The following TOX variants were observed in gnomAD, a reference collection of about 807,000 sequenced individuals.
The protein encoded by TOX is thymocyte selection associated high mobility group box.
Under a neutral mutation model 53.7 loss-of-function variants are expected in TOX, and 11 were observed. That is an observed-to-expected ratio of 0.20 (90% CI 0.13 to 0.34). The LOEUF (loss-of-function observed/expected upper bound fraction) is 0.34, where lower values mean the gene tolerates loss of function less well. Among genes scored for constraint, TOX ranks in the 10% least tolerant of loss-of-function variants. The pLI, the probability that TOX is intolerant of heterozygous loss-of-function variation, is 1.00. For missense variants in TOX, 570 were observed against 664.6 expected (o/e 0.86, Z 1.56); for synonymous variants, 225 against 245.3 (o/e 0.92, Z 0.77).
chr8:59,065,724 A>AG (rs944126870), intron 1 of TOX, among the ~76,000 whole-genome samples: 17 of 152,318 alleles, frequency 1.1e-4, no homozygotes, highest in African/African-American at 4.1e-4. Flanking sequence ...GAAGAAAAAA[A>AG]GAGAAAATAG....
intron 3 of TOX, among the ~76,000 whole-genome samples, chr8:58,928,749 T>G (rs957154744): frequency 7.2e-5 from 11 of 152,176 alleles, no homozygotes; most frequent in Admixed American, 7.2e-4. Flanking sequence ...ATGAATCCAC[T>G]GTCTTGAGAA....
At chr8:58,929,551 GA>G (rs1812225360) in intron 3 of TOX, among the ~76,000 whole-genome samples, 1 of 152,018 alleles carries the variant, frequency 6.6e-6, no homozygotes, top group Non-Finnish European at 1.5e-5. Flanking sequence ...ATATGCTCTA[GA>G]TAATAATAGT....
At chr8:58,929,774 CAT>C (rs201381826) in intron 3 of TOX, among the ~76,000 whole-genome samples, 2,412 of 152,164 alleles carry the variant, frequency 0.016, 71 homozygotes, top group African/African-American at 0.054. Context: ...AAAAAAATAA[CAT>C]GAGTCATATG....
At chr8:59,073,171 G>C (rs1053103312) in intron 1 of TOX, among the ~76,000 whole-genome samples, 1 of 152,072 alleles carries the variant, frequency 6.6e-6, no homozygotes, top group Non-Finnish European at 1.5e-5. Flanking sequence ...CTTAACAAAG[G>C]CTTCAACTAC....
At chr8:59,105,638 G>A (rs1164361901) in intron 1 of TOX, among the ~76,000 whole-genome samples, 2 of 152,026 alleles carry the variant, frequency 1.3e-5, no homozygotes, top group East Asian at 3.9e-4. Flanking sequence ...AAAGTTATAA[G>A]TCCCTATGGG....
chr8:58,914,887 T>A (rs1342103161), intron 3 of TOX, among the ~76,000 whole-genome samples: 1 of 152,078 alleles, frequency 6.6e-6, no homozygotes, highest in East Asian at 1.9e-4. Flanking sequence ...TTGCCTCACC[T>A]GGGAAGCGCA....
At chr8:58,861,857 C>T (rs1811016451) in intron 3 of TOX, among the ~76,000 whole-genome samples, 1 of 152,100 alleles carries the variant, frequency 6.6e-6, no homozygotes, top group South Asian at 2.1e-4. Flanking sequence ...ATATTGACTT[C>T]CTAACATCAG....
intron 3 of TOX, among the ~76,000 whole-genome samples, chr8:58,912,601 G>A (rs1012013182): frequency 3.3e-5 from 5 of 152,182 alleles, no homozygotes; most frequent in African/African-American, 9.7e-5. Context: ...AAAAGGTCTG[G>A]GATAGGACCT....
intron 1 of TOX, among the ~76,000 whole-genome samples, chr8:59,054,035 T>A (rs1194846005): frequency 6.6e-6 from 1 of 152,062 alleles, no homozygotes; most frequent in East Asian, 1.9e-4. Flanking sequence ...GAAAGAGTGG[T>A]TAGTTTAACC....
At chr8:58,968,114 A>G (rs28399105) in intron 1 of TOX, among the ~76,000 whole-genome samples, 2,056 of 152,362 alleles carry the variant, frequency 0.013, 59 homozygotes, top group African/African-American at 0.047. Context: ...GCAAGTTTCT[A>G]GAAAACTTCA....
rs557674296 is a variant in TOX at position 59,051,223 on chromosome 8, A to C, written c.102+67663T>G. ...ATGAGGCAGATTTGGTCCCTTAGAG[A>C]AGAAACAGATTTCCCACTATCTGAT... is the stretch of plus-strand genomic sequence containing the variant. On this transcript the variant is annotated intron_variant, in intron 1 of 8. Transcript: ENST00000361421. Among the ~76,000 whole-genome samples the C allele has an allele frequency of 2.0e-5, 3 of 152,268 alleles. No individual in the cohort carries two copies. The East Asian group carries it at 5.8e-4, about 29-fold the overall frequency.
intron 1 of TOX, among the ~76,000 whole-genome samples, chr8:59,067,065 C>A (rs1041199914): frequency 9.2e-5 from 14 of 152,078 alleles, no homozygotes. Context: ...AAGTTGCAAG[C>A]GCCTTTTCTG....
Position 58,892,007 on chromosome 8 carries a change from T to C in TOX, c.412-40202A>G, listed in dbSNP as rs1009509959. Among the ~76,000 whole-genome samples the C allele has an allele frequency of 2.6e-5, 4 of 152,066 alleles. No homozygotes were observed. The South Asian group carries it at 6.2e-4, about 24-fold the overall frequency. On this transcript the variant is annotated intron_variant, in intron 3 of 8. Coordinates refer to ENST00000361421, the MANE Select transcript of TOX (RefSeq NM_014729.3). Reference sequence around the variant, plus strand: ...ATTCGTATTCATAGCATGCTACAGATGAAATTAGACAATGAGACTGATATT... The same window carrying C: ...ATTCGTATTCATAGCATGCTACAGACGAAATTAGACAATGAGACTGATATT...
At chr8:59,088,709 G>C (rs1296377564) in intron 1 of TOX, among the ~76,000 whole-genome samples, 1 of 152,128 alleles carries the variant, frequency 6.6e-6, no homozygotes, top group East Asian at 1.9e-4. Flanking sequence ...CAATTAACAC[G>C]AACAAAGGAT....
intron 3 of TOX, among the ~76,000 whole-genome samples, chr8:58,896,038 T>C (rs1234768691): frequency 1.3e-5 from 2 of 152,210 alleles, no homozygotes; most frequent in African/African-American, 2.4e-5. Context: ...ATCAGACTTT[T>C]AGTTCTCTCC....
intron 1 of TOX, among the ~76,000 whole-genome samples, chr8:58,987,018 C>A (rs1813342745): frequency 6.6e-6 from 1 of 152,168 alleles, no homozygotes; most frequent in African/African-American, 2.4e-5. Context: ...CTTTAAGAGG[C>A]CTAGAGCTTA....
At chr8:58,921,796 C>T (rs1812080574) in intron 3 of TOX, among the ~76,000 whole-genome samples, 1 of 152,188 alleles carries the variant, frequency 6.6e-6, no homozygotes, top group Admixed American at 6.5e-5. Context: ...CTGTTGGACT[C>T]AAAATCTCTG....
At chr8:58,945,157 T>A (rs1375392814) in intron 2 of TOX, among the ~76,000 whole-genome samples, 1 of 152,194 alleles carries the variant, frequency 6.6e-6, no homozygotes, top group Admixed American at 6.5e-5. Flanking sequence ...GCTGATCTGG[T>A]TCTCACAGTT....
chr8:58,999,211 T>C (rs1455096899), intron 1 of TOX, among the ~76,000 whole-genome samples: 3 of 152,094 alleles, frequency 2.0e-5, no homozygotes, highest in Admixed American at 6.6e-5. Flanking sequence ...TGAGAAATAA[T>C]TGACTTAAAG....
Sources: gnomAD v4.1 joint callset for allele counts (sites outside exome capture counted in the v4.1 genomes callset) on GRCh38, gnomAD v4.1.1 for gene constraint, MANE v1.5 for transcripts, NCBI Gene and HGNC (gene_info 2026-07-23, HGNC 2026-07-21) for gene names.